Variants in ARHGAP10 observed in about 807,000 individuals in gnomAD.
ARHGAP10 encodes the protein Rho GTPase activating protein 10.
ARHGAP10 carries 87 observed loss-of-function variants against 108.6 expected under a neutral mutation model. That is an observed-to-expected ratio of 0.80 (90% CI 0.67 to 0.96). The LOEUF is 0.96. Among genes scored for constraint, ARHGAP10 ranks in the 40% least tolerant of loss-of-function variants. ARHGAP10 has a pLI of 0.00. For missense variants in ARHGAP10, 939 were observed against 954.5 expected (o/e 0.98, Z 0.21); for synonymous variants, 347 against 341.1 (o/e 1.02, Z -0.19).
At chr4:147,787,158 C>T (rs1358408041) in intron 1 of ARHGAP10, among the ~76,000 whole-genome samples, 1 of 152,126 alleles carries the variant, frequency 6.6e-6, no homozygotes, top group South Asian at 2.1e-4. Context: ...GTCACATAAT[C>T]GGGTGCTGGA....
chr4:147,771,188 A>T (rs1181057199), intron 1 of ARHGAP10, among the ~76,000 whole-genome samples: 1 of 152,198 alleles, frequency 6.6e-6, no homozygotes, highest in African/African-American at 2.4e-5. Flanking sequence ...CTGTTTAAAC[A>T]GAAAAAAAGA....
chr4:147,965,781 TG>T (rs1739181571), intron 17 of ARHGAP10, among the ~76,000 whole-genome samples: 1 of 152,214 alleles, frequency 6.6e-6, no homozygotes. Flanking sequence ...TAGGTGCTAG[TG>T]GATACATAGT....
chr4:147,763,952 A>C (rs1470014401), intron 1 of ARHGAP10, among the ~76,000 whole-genome samples: 1 of 151,782 alleles, frequency 6.6e-6, no homozygotes, highest in East Asian at 1.9e-4. Context: ...ACAGGGTTTC[A>C]CCATGCTGGC....
intron 1 of ARHGAP10, among the ~76,000 whole-genome samples, chr4:147,790,195 C>T (rs1359966094): frequency 6.6e-6 from 1 of 151,878 alleles, no homozygotes; most frequent in Non-Finnish European, 1.5e-5. Flanking sequence ...CTTGCTGTGT[C>T]CTCACTTGGG....
chr4:147,755,528 A>G (rs1004488667), intron 1 of ARHGAP10, among the ~76,000 whole-genome samples: 1 of 152,250 alleles, frequency 6.6e-6, no homozygotes, highest in Non-Finnish European at 1.5e-5. Context: ...CGTCTCAAAA[A>G]AAGGGAAAGA....
intron 20 of ARHGAP10, among the ~76,000 whole-genome samples, chr4:148,048,009 G>T (rs1164583316): frequency 6.6e-6 from 1 of 152,106 alleles, no homozygotes; most frequent in Non-Finnish European, 1.5e-5. Context: ...TTTTAGTAGA[G>T]ACGGGGTTTC....
intron 20 of ARHGAP10, among the ~76,000 whole-genome samples, chr4:148,052,355 AAG>A (rs1226577730): frequency 6.6e-6 from 1 of 150,624 alleles, no homozygotes; most frequent in African/African-American, 2.4e-5. Context: ...AAAAAAAAAA[AAG>A]ATTTATCTTT....
At chr4:148,029,784 G>A (rs1728051884) in intron 19 of ARHGAP10, among the ~76,000 whole-genome samples, 1 of 152,194 alleles carries the variant, frequency 6.6e-6, no homozygotes, top group African/African-American at 2.4e-5. Flanking sequence ...TTACTGTGTT[G>A]TGAAGTTTAA....
At chr4:147,997,463 T>C (rs1315912503) in intron 18 of ARHGAP10, among the ~76,000 whole-genome samples, 1 of 152,062 alleles carries the variant, frequency 6.6e-6, no homozygotes, top group Non-Finnish European at 1.5e-5. Flanking sequence ...AAATGAACAA[T>C]TTAAAAATGG....
chr4:147,986,216 G>A (rs1740040721), intron 18 of ARHGAP10, among the ~76,000 whole-genome samples: 1 of 152,148 alleles, frequency 6.6e-6, no homozygotes, highest in African/African-American at 2.4e-5. Flanking sequence ...CCTCCCTGAT[G>A]GAGTGGTTAC....
At chr4:147,976,246 T>G (rs548180776) in intron 18 of ARHGAP10, among the ~76,000 whole-genome samples, 1 of 152,294 alleles carries the variant, frequency 6.6e-6, no homozygotes, top group East Asian at 1.9e-4. Context: ...TTAAAAAACA[T>G]CTAGCCAAAA....
chr4:147,798,063 C>T (rs539438920), intron 1 of ARHGAP10, among the ~76,000 whole-genome samples: 5 of 152,216 alleles, frequency 3.3e-5, no homozygotes, highest in African/African-American at 1.2e-4. Context: ...TCTTAAGTGG[C>T]AGATGAATAG....
intron 18 of ARHGAP10, among the ~76,000 whole-genome samples, chr4:147,968,254 C>T (rs531924960): frequency 3.3e-5 from 5 of 152,160 alleles, no homozygotes; most frequent in Non-Finnish European, 5.9e-5. Flanking sequence ...GCCTCTCTCC[C>T]GCTGTCTCAA....
chr4:147,849,413 G>A (rs1733769737), intron 4 of ARHGAP10, among the ~76,000 whole-genome samples: 2 of 152,080 alleles, frequency 1.3e-5, no homozygotes. Flanking sequence ...ATTTTGTCAA[G>A]CACACAGTCT....
chr4:147,876,114 G>T (rs1180354965), intron 8 of ARHGAP10, among the ~76,000 whole-genome samples: 1 of 152,196 alleles, frequency 6.6e-6, no homozygotes, highest in Non-Finnish European at 1.5e-5. Flanking sequence ...GCTTTGAATA[G>T]AAGTTAATGT....
chr4:147,935,693 G>A (rs151308832), intron 13 of ARHGAP10, among the ~76,000 whole-genome samples: 229 of 152,252 alleles, frequency 1.5e-3, no homozygotes, highest in African/African-American at 5.3e-3. Context: ...ACATATATGT[G>A]TTCATAGATA....
intron 20 of ARHGAP10, among the ~76,000 whole-genome samples, chr4:148,056,944 A>G (rs981152759): frequency 5.3e-5 from 8 of 152,184 alleles, no homozygotes; most frequent in South Asian, 4.1e-4. Flanking sequence ...CTTTACGCCT[A>G]TCATCTCATT....
At chr4:147,972,114 A>G (rs1004279362) in intron 18 of ARHGAP10, among the ~76,000 whole-genome samples, 2 of 152,198 alleles carry the variant, frequency 1.3e-5, no homozygotes, top group African/African-American at 4.8e-5. Flanking sequence ...TGTTCAAGAT[A>G]AGTCCATTAG....
chr4:147,859,362 T>A (rs2126835662), intron 5 of ARHGAP10, among the ~76,000 whole-genome samples: 1 of 151,246 alleles, frequency 6.6e-6, no homozygotes, highest in African/African-American at 2.4e-5. Flanking sequence ...AACCTCCACC[T>A]GCCGGATTCA....
Sources: allele counts gnomAD v4.1 joint callset (sites outside exome capture counted in the v4.1 genomes callset), GRCh38; gene constraint gnomAD v4.1.1; transcripts MANE v1.5; gene names NCBI Gene and HGNC (gene_info 2026-07-23, HGNC 2026-07-21).